The following USP34 variants were observed in gnomAD, a reference collection of about 807,000 sequenced individuals.
USP34 encodes the protein ubiquitin carboxyl-terminal hydrolase 34.
Under a neutral mutation model 460.3 loss-of-function variants are expected in USP34, and 70 were observed. That is an observed-to-expected ratio of 0.15 (90% CI 0.13 to 0.19). USP34 has a LOEUF of 0.19. Among genes scored for constraint, USP34 ranks in the 10% least tolerant of loss-of-function variants. The pLI, the probability that USP34 is intolerant of heterozygous loss-of-function variation, is 1.00. For synonymous variants in USP34, 1,647 were observed against 1,405.3 expected (o/e 1.17, Z -3.85); for missense variants, 3,985 against 4,236.2 (o/e 0.94, Z 1.65).
At chr2:61,220,151 T>TTAAAAAA in intron 67 of USP34, 159 bp downstream of exon 67, 2 of 165,916 alleles carry the variant, frequency 1.2e-5, no homozygotes, top group Non-Finnish European at 9.9e-6. Flanking sequence ...TTTCCTATCC[T>TTAAAAAA]AAAAAAAAAA....
chr2:61,454,612 C>T (rs917077784), intron 1 of USP34, among the ~76,000 whole-genome samples: 1 of 151,864 alleles, frequency 6.6e-6, no homozygotes, highest in African/African-American at 2.4e-5. Flanking sequence ...TGAAGTGACA[C>T]AACCTCTACT....
Position 61,314,636 on chromosome 2 carries a change from A to G in USP34, c.3491T>C (p.Ile1164Thr), listed in dbSNP as rs370942165. ...CTTCAGCATAAGGAGTCCTCTTTCT[A>G]TAACCATGAGACTTGAGTGTGATTC... ...EQESHSSLMV[I>T]ERGLLMLKTH... Residue 1164 changes from isoleucine (I) to threonine (T), a missense_variant, in exon 25 of 80, where the codon ATA (isoleucine) becomes ACA (threonine). Ile to Thr is a moderately conservative substitution (Grantham distance 89). This residue lies in a region of USP34 where 1,114 missense variants were observed against 1,122.5 expected (regional missense o/e 0.99). Transcript: ENST00000398571. The G allele has an allele frequency of 2.1e-5, 34 of 1,596,466 alleles. No homozygotes were observed. Among genetic ancestry groups the G allele is most frequent in the Non-Finnish European group, 2.7e-5 (32 of 1,174,632 alleles).
In USP34 at chr2:61,309,031, TCAAAAACAACAA is replaced by T. The variant is rs539409404; in HGVS notation, c.3817+2497_3817+2508del. On this transcript the variant is annotated intron_variant, in intron 27 of 79. Coordinates refer to ENST00000398571, the MANE Select transcript of USP34 (RefSeq NM_014709.4). ...GCCTGGGTGACAGAGGGAGACTATC[TCAAAAACAACAA>T]CAACAACAACAACAACAACAAAAGA... is the stretch of plus-strand genomic sequence containing the variant. 1.7e-3 allele frequency among the ~76,000 whole-genome samples: 253 copies of T among 151,452 alleles called. 1 individual carries two copies. Among genetic ancestry groups the T allele is most frequent in the African/African-American group, 6.1e-3 (249 of 41,002 alleles).
At chr2:61,205,881 G>T in intron 72 of USP34, 136 bp downstream of exon 72, 1 of 599,094 alleles carries the variant, frequency 1.7e-6, no homozygotes. Flanking sequence ...ATTTTCTTAG[G>T]ACCTGCTAGC....
Position 61,378,271 on chromosome 2 carries a change from T to C in USP34, c.1076+92A>G, listed in dbSNP as rs914858073. On this transcript the variant is annotated intron_variant, in intron 8 of 79. Coordinates refer to ENST00000398571, the MANE Select transcript of USP34 (RefSeq NM_014709.4). ...ATGTCAAAGGGCAAAGAATTTCTAG[T>C]AAAAATTTTAAATCTAAAAATTAGA... 11 of 944,300 alleles carry C rather than the reference T, an allele frequency of 1.2e-5. 1 individual carries two copies. The African/African-American group carries it at 1.6e-4, about 13-fold the overall frequency. The allele number at this position is 944,300 out of a possible 1,614,324, so 58.5% of individuals were successfully genotyped here. A position where few individuals can be genotyped will look rare whatever the true frequency, so the allele number is the denominator to read the frequency against.
chr2:61,389,285 G>C (rs568923953), intron 5 of USP34, among the ~76,000 whole-genome samples: 3 of 152,252 alleles, frequency 2.0e-5, no homozygotes, highest in South Asian at 4.1e-4. Context: ...ACGAATATTT[G>C]CTTTGATAAA....
Position 61,223,271 on chromosome 2 carries a change from T to A in USP34, c.7621A>T (p.Met2541Leu), listed in dbSNP as rs775579882. 4 of 1,614,044 alleles carry A rather than the reference T, an allele frequency of 2.5e-6. No individual in the cohort carries two copies. Among genetic ancestry groups the A allele is most frequent in the Admixed American group, 3.3e-5 (2 of 60,020 alleles). ...ERHLTLSQTDMAALTGGKGFP... is the reference protein window; with the variant it reads ...ERHLTLSQTDLAALTGGKGFP... The stretch of plus-strand genomic sequence containing the variant: ...ACCTTTCCTCCTGTTAATGCTGCCA[T>A]GTCAGTCTGTGATAATGTCAAATGC... Residue 2541 changes from methionine to leucine, a missense_variant, in exon 63 of 80, where the codon ATG becomes TTG. Met to Leu is a conservative substitution (Grantham distance 15). Coordinates refer to ENST00000398571, the MANE Select transcript of USP34 (RefSeq NM_014709.4).
intron 23 of USP34, 78 bp downstream of exon 23, chr2:61,317,576 A>G: frequency 7.7e-7 from 1 of 1,294,398 alleles, no homozygotes; most frequent in Non-Finnish European, 1.1e-6. Flanking sequence ...TACTTTGTAG[A>G]AAAATAATTT....
intron 8 of USP34, among the ~76,000 whole-genome samples, chr2:61,375,031 A>C (rs182400620): frequency 3.8e-4 from 58 of 152,328 alleles, no homozygotes; most frequent in Non-Finnish European, 2.8e-4. Flanking sequence ...TTAGGCACAC[A>C]CAGAACAGTC....
intron 1 of USP34, among the ~76,000 whole-genome samples, chr2:61,463,102 A>T (rs1356836027): frequency 6.6e-6 from 1 of 152,206 alleles, no homozygotes; most frequent in Non-Finnish European, 1.5e-5. Flanking sequence ...TTGATTTCGT[A>T]CCTATATACT....
chr2:61,458,069 T>C (rs1394763834), intron 1 of USP34, among the ~76,000 whole-genome samples: 3 of 152,176 alleles, frequency 2.0e-5, no homozygotes, highest in East Asian at 1.9e-4. Flanking sequence ...ATGCAGGCAC[T>C]GTAAAACAGT....
chr2:61,265,954 T>C (rs769209440), intron 42 of USP34, 30 bp downstream of exon 42: 5 of 1,509,552 alleles, frequency 3.3e-6, no homozygotes, highest in Non-Finnish European at 4.5e-6. Context: ...TCAAAATCTA[T>C]AAAGATTAAA....
chr2:61,446,360 A>G (rs565257240), intron 1 of USP34, among the ~76,000 whole-genome samples: 3 of 152,186 alleles, frequency 2.0e-5, no homozygotes, highest in Admixed American at 6.5e-5. Flanking sequence ...GAAATGATCT[A>G]AAGTTGAAAG....
chr2:61,448,821 G>A (rs567399184), intron 1 of USP34, among the ~76,000 whole-genome samples: 1 of 152,122 alleles, frequency 6.6e-6, no homozygotes, highest in African/African-American at 2.4e-5. Flanking sequence ...GAAAGAATAA[G>A]ATTCTTATTC....
intron 2 of USP34, among the ~76,000 whole-genome samples, chr2:61,408,364 C>T (rs1258575497): frequency 6.6e-6 from 1 of 152,018 alleles, no homozygotes; most frequent in Admixed American, 6.6e-5. Flanking sequence ...TATAGTACTA[C>T]TTTTGGAGTA....
intron 10 of USP34, among the ~76,000 whole-genome samples, chr2:61,368,992 A>G (rs1219029028): frequency 6.6e-6 from 1 of 152,218 alleles, no homozygotes; most frequent in African/African-American, 2.4e-5. Flanking sequence ...AAAAAATAAG[A>G]AAAACAATTG....
chr2:61,463,369 A>G (rs1411982496), intron 1 of USP34, among the ~76,000 whole-genome samples: 2 of 152,172 alleles, frequency 1.3e-5, no homozygotes, highest in African/African-American at 4.8e-5. Flanking sequence ...TCAATGAAAA[A>G]GATTCTTATT....
intron 20 of USP34, among the ~76,000 whole-genome samples, chr2:61,328,019 A>G (rs1457963296): frequency 6.6e-6 from 1 of 152,200 alleles, no homozygotes; most frequent in Non-Finnish European, 1.5e-5. Context: ...AACATACTAC[A>G]GGTGCAGTGG....
chr2:61,423,109 T>G (rs1178268242), intron 1 of USP34, among the ~76,000 whole-genome samples: 1 of 152,214 alleles, frequency 6.6e-6, no homozygotes, highest in Non-Finnish European at 1.5e-5. Context: ...GATATACTTT[T>G]GTCTTTTTAA....
Sources: allele counts gnomAD v4.1 joint callset (sites outside exome capture counted in the v4.1 genomes callset), GRCh38; gene constraint gnomAD v4.1.1; regional missense constraint gnomAD v4.1.1; transcripts MANE v1.5; gene names NCBI Gene and HGNC (gene_info 2026-07-23, HGNC 2026-07-21).